The following C2orf76 variants were observed in gnomAD, a reference collection of about 807,000 sequenced individuals.
The protein encoded by C2orf76 is UPF0538 protein C2orf76.
In C2orf76, 23 loss-of-function variants were observed where a neutral mutation model predicts 16.9. The ratio of observed to expected loss-of-function variants is 1.36; its 90% CI spans 0.98 to 1.93. The LOEUF is 1.93. Among genes scored for constraint, C2orf76 ranks in the 30% most tolerant of loss-of-function variants. C2orf76 has a pLI of 0.00. For missense variants in C2orf76, 152 were observed against 152.6 expected (o/e 1.00, Z 0.02); for synonymous variants, 48 against 52.3 (o/e 0.92, Z 0.35).
At chr2:119,342,132 G>C (rs977968791) in intron 1 of C2orf76, among the ~76,000 whole-genome samples, 5 of 152,238 alleles carry the variant, frequency 3.3e-5, no homozygotes, top group Admixed American at 1.3e-4. Context: ...ATAAGTAAAG[G>C]ATGGTGTACT....
chr2:119,322,485 G>A (rs966121190), intron 2 of C2orf76, among the ~76,000 whole-genome samples: 1 of 152,184 alleles, frequency 6.6e-6, no homozygotes, highest in Non-Finnish European at 1.5e-5. Flanking sequence ...TGGGATTACA[G>A]GCATGAGCTA....
downstream of C2orf76, among the ~76,000 whole-genome samples, chr2:119,297,858 T>TA (rs940636829): frequency 5.3e-5 from 8 of 152,326 alleles, no homozygotes; most frequent in African/African-American, 1.7e-4. Context: ...TCAGAAACTC[T>TA]AAAAAATAGA....
At chr2:119,311,732 T>G (rs1156238838) in intron 4 of C2orf76, 29 bp from the exon 5 acceptor site, 8 of 1,581,772 alleles carry the variant, frequency 5.1e-6, no homozygotes, top group Middle Eastern at 1.7e-4. Flanking sequence ...ATCTGCATTT[T>G]ATCAGTACTT....
downstream of C2orf76, among the ~76,000 whole-genome samples, chr2:119,299,070 C>T (rs1678577293): frequency 6.6e-6 from 1 of 151,912 alleles, no homozygotes; most frequent in African/African-American, 2.4e-5. Context: ...GGCAAATTAC[C>T]ACACCCAGCT....
At chr2:119,282,387 C>A in the C2orf76 span, among the ~76,000 whole-genome samples, 1 of 152,318 alleles carries the variant, frequency 6.6e-6, no homozygotes, top group South Asian at 2.1e-4. Context: ...TCCTTCCTGT[C>A]CTTGGTCTGG....
chr2:119,294,919 G>A, the C2orf76 span, among the ~76,000 whole-genome samples: 3 of 152,138 alleles, frequency 2.0e-5, no homozygotes, highest in Admixed American at 6.5e-5. Context: ...AAGGCATAGA[G>A]GATCTCAAGT....
At chr2:119,348,458 G>A (rs1320426958) in intron 1 of C2orf76, among the ~76,000 whole-genome samples, 2 of 152,266 alleles carry the variant, frequency 1.3e-5, no homozygotes, top group South Asian at 2.1e-4. Flanking sequence ...AGGTCAAGGC[G>A]GGTGGATCAC....
chr2:119,356,889 A>G (rs887864583), intron 1 of C2orf76, among the ~76,000 whole-genome samples: 1 of 152,190 alleles, frequency 6.6e-6, no homozygotes, highest in African/African-American at 2.4e-5. Flanking sequence ...TACATTTCAC[A>G]GCACAGACAA....
At chr2:119,294,669 G>T in the C2orf76 span, among the ~76,000 whole-genome samples, 2 of 152,056 alleles carry the variant, frequency 1.3e-5, no homozygotes, top group African/African-American at 4.8e-5. Context: ...GAGAGGAGGG[G>T]TCTCAGAGTT....
chr2:119,311,685 T>C lies in C2orf76; in HGVS notation c.241A>G (p.Ser81Gly), dbSNP rs750517598. The C allele has an allele frequency of 2.5e-6, 4 of 1,608,506 alleles. No homozygotes were observed. Among genetic ancestry groups the C allele is most frequent in the Non-Finnish European group, 2.5e-6 (3 of 1,178,888 alleles). ...AGGAGTCTTTCGTCATCTTCCAAAC[T>C]CAACACAAGTTCATTTGTCTAAAAA... ...HKSKTNELVL[S>G]LEDDERLLLK... The change falls in exon 5 of 6, where the codon AGT becomes GGT. Residue 81 changes from serine (S) to glycine (G), a missense_variant. Physicochemically the swap from Ser to Gly is moderately conservative, Grantham distance 56. Coordinates refer to ENST00000334816, the MANE Select transcript of C2orf76 (RefSeq NM_001322331.2).
Position 119,337,067 on chromosome 2 carries a change from AT to A in C2orf76, c.133+2759del, listed in dbSNP as rs894168634. 8.6e-5 allele frequency among the ~76,000 whole-genome samples: 11 copies of A among 127,938 alleles called. 1 individual carries two copies. Among genetic ancestry groups the A allele is most frequent in the African/African-American group, 3.2e-4 (11 of 34,250 alleles). The allele number at this position is 127,938 out of a possible 152,430, so 83.9% of individuals were successfully genotyped here. A position where few individuals can be genotyped will look rare whatever the true frequency, so the allele number is the denominator to read the frequency against. ...CATTTATTTATTTATTTATTTATTT[AT>A]TTTTTGAGACACAGGCTTGCTCTGT... On this transcript the variant is annotated intron_variant, in intron 2 of 5. Transcript: ENST00000334816.
chr2:119,341,382 C>T (rs2104607687), intron 1 of C2orf76, among the ~76,000 whole-genome samples: 1 of 152,294 alleles, frequency 6.6e-6, no homozygotes, highest in Admixed American at 6.5e-5. Flanking sequence ...ATTAGATCAT[C>T]GACTGCCCAC....
chr2:119,361,496 A>C (rs1487740339), intron 1 of C2orf76, among the ~76,000 whole-genome samples: 1 of 152,196 alleles, frequency 6.6e-6, no homozygotes, highest in East Asian at 1.9e-4. Context: ...TACACACACA[A>C]AAAAATTGTA....
chr2:119,285,184 T>C, the C2orf76 span, among the ~76,000 whole-genome samples: 1 of 152,220 alleles, frequency 6.6e-6, no homozygotes, highest in East Asian at 1.9e-4. Flanking sequence ...ATGTAGATAA[T>C]AAAATTATCT....
At chr2:119,311,144 T>C in intron 5 of C2orf76, 1 of 985,360 alleles carries the variant, frequency 1.0e-6, no homozygotes, top group Non-Finnish European at 1.2e-6. Flanking sequence ...TCAGGTACTT[T>C]TCAGCTGCAC....
At chr2:119,346,194 T>C (rs897694283) in intron 1 of C2orf76, among the ~76,000 whole-genome samples, 3 of 152,098 alleles carry the variant, frequency 2.0e-5, no homozygotes, top group African/African-American at 4.8e-5. Context: ...GGTAGGAATG[T>C]AAAATGGTAC....
At chr2:119,337,847 T>C (rs1052988332) in intron 2 of C2orf76, among the ~76,000 whole-genome samples, 4 of 152,166 alleles carry the variant, frequency 2.6e-5, no homozygotes, top group Non-Finnish European at 5.9e-5. Flanking sequence ...GGGGAAGGTA[T>C]CTGTGGTACC....
intron 2 of C2orf76, among the ~76,000 whole-genome samples, chr2:119,331,911 C>T (rs558453973): frequency 6.6e-6 from 1 of 152,166 alleles, no homozygotes; most frequent in East Asian, 1.9e-4. Flanking sequence ...CACCTTTGAA[C>T]TTAAGACTTC....
At chr2:119,298,014 G>T (rs1477601029), downstream of C2orf76, among the ~76,000 whole-genome samples, 1 of 151,992 alleles carries the variant, frequency 6.6e-6, no homozygotes, top group Non-Finnish European at 1.5e-5. Context: ...TCACTATGTT[G>T]CCCAGGCTGG....
Sources: gnomAD v4.1 joint callset for allele counts (sites outside exome capture counted in the v4.1 genomes callset) on GRCh38, gnomAD v4.1.1 for gene constraint, MANE v1.5 for transcripts, NCBI Gene and HGNC (gene_info 2026-07-23, HGNC 2026-07-21) for gene names.